LMBRD1: variants seen among roughly 807,000 people sequenced by gnomAD.
The protein encoded by LMBRD1 is lysosomal cobalamin transport escort protein LMBD1.
In LMBRD1, 64 loss-of-function variants were observed where a neutral mutation model predicts 74.8. That is an observed-to-expected ratio of 0.86 (90% CI 0.70 to 1.05). The LOEUF (loss-of-function observed/expected upper bound fraction) is 1.05. LMBRD1 is among the 50% of genes least tolerant of loss of function. LMBRD1 has a pLI of 0.00. For missense variants in LMBRD1, 652 were observed against 645.9 expected (o/e 1.01, Z -0.10); for synonymous variants, 204 against 216.3 (o/e 0.94, Z 0.50).
intron 3 of LMBRD1, among the ~76,000 whole-genome samples, chr6:69,753,594 AC>A (rs1765209652): frequency 6.6e-6 from 1 of 152,220 alleles, no homozygotes; most frequent in Non-Finnish European, 1.5e-5. Flanking sequence ...GTGTATGCAC[AC>A]AAGAGTTGAA....
intron 3 of LMBRD1, among the ~76,000 whole-genome samples, chr6:69,765,040 C>T (rs1765450843): frequency 6.6e-6 from 1 of 151,672 alleles, no homozygotes. Flanking sequence ...AGAGATTCTC[C>T]TGCCTCAGCC....
intron 14 of LMBRD1, among the ~76,000 whole-genome samples, chr6:69,686,386 C>T (rs1025279868): frequency 1.3e-5 from 2 of 151,996 alleles, no homozygotes; most frequent in African/African-American, 2.4e-5. Flanking sequence ...TAACCAGCTG[C>T]GGTGCTCAGA....
At chr6:69,685,042 G>T (rs1443556260) in intron 14 of LMBRD1, among the ~76,000 whole-genome samples, 1 of 152,070 alleles carries the variant, frequency 6.6e-6, no homozygotes, top group African/African-American at 2.4e-5. Flanking sequence ...GTAGAATAGA[G>T]ATAAGATATA....
chr6:69,714,241 A>C (rs1196590925), intron 8 of LMBRD1, among the ~76,000 whole-genome samples: 1 of 152,076 alleles, frequency 6.6e-6, no homozygotes, highest in East Asian at 1.9e-4. Flanking sequence ...TTCTCAGCCC[A>C]ATTCAAATGC....
chr6:69,682,897 T>G (rs1023761353), intron 14 of LMBRD1, among the ~76,000 whole-genome samples: 1 of 151,970 alleles, frequency 6.6e-6, no homozygotes, highest in Non-Finnish European at 1.5e-5. Flanking sequence ...TCTGGGAATT[T>G]AGAGAGAAAT....
intron 3 of LMBRD1, among the ~76,000 whole-genome samples, chr6:69,769,268 T>C (rs758970244): frequency 7.9e-5 from 12 of 152,190 alleles, no homozygotes; most frequent in Non-Finnish European, 1.5e-4. Flanking sequence ...TCTTCTGTCA[T>C]GTCAAACCTC....
At chr6:69,785,198 C>G (rs961982688) in intron 2 of LMBRD1, among the ~76,000 whole-genome samples, 1 of 152,142 alleles carries the variant, frequency 6.6e-6, no homozygotes, top group African/African-American at 2.4e-5. Flanking sequence ...TAAAGCCTCC[C>G]TCTTCTGTTT....
chr6:69,774,557 T>C (rs1187695533), intron 3 of LMBRD1, among the ~76,000 whole-genome samples: 1 of 152,152 alleles, frequency 6.6e-6, no homozygotes, highest in Non-Finnish European at 1.5e-5. Context: ...TACTTTTGCA[T>C]GCATGCAGGG....
chr6:69,710,014 T>C (rs901102682), intron 9 of LMBRD1, among the ~76,000 whole-genome samples: 2 of 152,192 alleles, frequency 1.3e-5, no homozygotes, highest in Admixed American at 6.5e-5. Context: ...TATAAATTGA[T>C]TCTTAAATTT....
chr6:69,774,855 G>A (rs1765655777), intron 3 of LMBRD1, among the ~76,000 whole-genome samples: 1 of 151,372 alleles, frequency 6.6e-6, no homozygotes, highest in Admixed American at 6.6e-5. Flanking sequence ...CCCTTTGAGA[G>A]GCCAAGGTGG....
At chr6:69,701,385 G>A in intron 11 of LMBRD1, 58 bp downstream of exon 11, 1 of 976,338 alleles carries the variant, frequency 1.0e-6, no homozygotes, top group Non-Finnish European at 1.6e-6. Context: ...ATGTTTGCTA[G>A]ACTCTAGCAT....
In LMBRD1 at chr6:69,744,678, T is replaced by G. The variant is rs140566082; in HGVS notation, c.474-2801A>C. On this transcript the variant is annotated intron_variant, in intron 5 of 15. Transcript: ENST00000649934. ...AGTCAATTCATATTTATCTTCCAAA[T>G]AGCTTATGTTTCTTCCTCTCTGTTC... Among the ~76,000 whole-genome samples the G allele has an allele frequency of 7.5e-3, 1,145 of 152,278 alleles. 7 individuals carry two copies. Among genetic ancestry groups the G allele is most frequent in the Non-Finnish European group, 0.012 (845 of 67,996 alleles).
At chr6:69,699,551 C>T (rs1766082602) in intron 12 of LMBRD1, among the ~76,000 whole-genome samples, 1 of 151,692 alleles carries the variant, frequency 6.6e-6, no homozygotes, top group Admixed American at 6.6e-5. Context: ...TAGACAATGT[C>T]ATGTGTTTAT....
At chr6:69,787,970 T>C (rs933651444) in intron 2 of LMBRD1, among the ~76,000 whole-genome samples, 1 of 152,184 alleles carries the variant, frequency 6.6e-6, no homozygotes, top group Non-Finnish European at 1.5e-5. Flanking sequence ...TAAAATCTTG[T>C]TCAAACAAGT....
intron 2 of LMBRD1, among the ~76,000 whole-genome samples, chr6:69,783,525 C>A (rs1316611121): frequency 6.6e-6 from 1 of 152,064 alleles, no homozygotes; most frequent in Non-Finnish European, 1.5e-5. Flanking sequence ...CAGGTGCATG[C>A]CACCATGCCC....
intron 8 of LMBRD1, among the ~76,000 whole-genome samples, chr6:69,715,076 T>A (rs565433597): frequency 6.6e-6 from 1 of 152,036 alleles, no homozygotes; most frequent in East Asian, 1.9e-4. Context: ...TATCACTGGA[T>A]CCCAGAAAAC....
chr6:69,758,510 G>A lies in LMBRD1; in HGVS notation c.308-6154C>T, dbSNP rs145117543. ...CTGATACATGATGGCTTAAACTCTA[G>A]CACCATTTTAAAATCTGTGGTGACC... is the stretch of plus-strand genomic sequence containing the variant. On this transcript the variant is annotated intron_variant, in intron 3 of 15. Transcript: ENST00000649934. Among the ~76,000 whole-genome samples, 858 of 152,090 alleles carry A rather than the reference G, an allele frequency of 5.6e-3. 12 individuals are homozygous for A. The highest frequency in any genetic ancestry group is 0.017 in the African/African-American group (723 of 41,512).
intron 5 of LMBRD1, among the ~76,000 whole-genome samples, chr6:69,749,135 A>G (rs1355371012): frequency 6.6e-6 from 1 of 152,048 alleles, no homozygotes. Context: ...CTCTGCTTGC[A>G]TTCAAGCACA....
At chr6:69,676,764 AATG>A (rs1582034651) in intron 14 of LMBRD1, among the ~76,000 whole-genome samples, 2 of 152,292 alleles carry the variant, frequency 1.3e-5, no homozygotes, top group East Asian at 3.9e-4. Flanking sequence ...TTAAAAAAAA[AATG>A]AATGCCACCA....
Sources: gnomAD v4.1 joint callset for allele counts (sites outside exome capture counted in the v4.1 genomes callset) on GRCh38, gnomAD v4.1.1 for gene constraint, MANE v1.5 for transcripts, NCBI Gene and HGNC (gene_info 2026-07-23, HGNC 2026-07-21) for gene names.